The following APLP2 variants were observed in gnomAD, a reference collection of about 807,000 sequenced individuals.
APLP2 encodes amyloid beta precursor like protein 2.
In APLP2, 53 loss-of-function variants were observed where a neutral mutation model predicts 89.9. The observed-to-expected ratio is 0.59, with a 90% CI of 0.47 to 0.74. The LOEUF (loss-of-function observed/expected upper bound fraction) is 0.74, where lower values mean the gene tolerates loss of function less well. Ranked by LOEUF, APLP2 falls within the 30% of genes least tolerant of loss-of-function variation. The probability of loss-of-function intolerance (pLI) is 0.00; values close to 1 mark genes in which losing one functional copy is unlikely to be tolerated. For synonymous variants in APLP2, 372 were observed against 348.6 expected, an observed-to-expected ratio of 1.07 and a Z score of -0.75; for missense variants, 973 against 975.9, an observed-to-expected ratio of 1.00 and a Z score of 0.04.
chr11:130,124,515 T>C (rs1950172030), intron 7 of APLP2, among the ~76,000 whole-genome samples: 1 of 152,210 alleles, frequency 6.6e-6, no homozygotes, highest in African/African-American at 2.4e-5. Context: ...CTACTCCTTT[T>C]TCTCGTTAAG....
chr11:130,075,743 C>T (rs1267457366), intron 1 of APLP2, among the ~76,000 whole-genome samples: 1 of 152,314 alleles, frequency 6.6e-6, no homozygotes, highest in East Asian at 1.9e-4. Flanking sequence ...TCACCCAGCT[C>T]GACCAGGGGA....
chr11:130,091,370 A>C, intron 1 of APLP2, among the ~76,000 whole-genome samples: 3 of 136,964 alleles, frequency 2.2e-5, no homozygotes, highest in African/African-American at 5.9e-5. Flanking sequence ...CGGGGGGCCG[A>C]CCCCCCTACC....
chr11:130,137,287 A>T (rs1466186299), intron 13 of APLP2: 1 of 1,614,018 alleles, frequency 6.2e-7, no homozygotes, highest in East Asian at 2.2e-5. Flanking sequence ...ACCCAATGAA[A>T]AAAGGTTGGT....
intron 1 of APLP2, among the ~76,000 whole-genome samples, chr11:130,100,747 G>A (rs1033432287): frequency 6.6e-6 from 1 of 151,980 alleles, no homozygotes; most frequent in East Asian, 1.9e-4. Flanking sequence ...CCTAACAGCC[G>A]GCATATGTCA....
chr11:130,124,225 C>T (rs923424561), intron 7 of APLP2, among the ~76,000 whole-genome samples: 7 of 152,160 alleles, frequency 4.6e-5, no homozygotes, highest in African/African-American at 9.7e-5. Context: ...GCTCATGGGG[C>T]GCCTCCTCTC....
Position 130,073,240 on chromosome 11 carries a change from T to C in APLP2, c.105+3158T>C, listed in dbSNP as rs376096723. Among the ~76,000 whole-genome samples, 10 of 152,372 alleles carry C rather than the reference T, an allele frequency of 6.6e-5. No homozygotes were observed. The South Asian group carries it at 1.0e-3, about 16-fold the overall frequency. On this transcript the variant is annotated intron_variant, in intron 1 of 16. Coordinates refer to ENST00000338167, the MANE Select transcript of APLP2 (RefSeq NM_001142276.2). ...TATTGACTAAATTGAAACAATACTT[T>C]AGACATGGGCTAAATAAAACATTAA... is the stretch of plus-strand genomic sequence containing the variant.
chr11:130,110,809 T>C, intron 3 of APLP2, 148 bp downstream of exon 3: 2 of 1,094,622 alleles, frequency 1.8e-6, no homozygotes, highest in South Asian at 3.3e-5. Context: ...TAGGGGTGTT[T>C]GCTGGCTTCG....
At position 130,127,837 on chromosome 11, in the gene APLP2, T is replaced by A. The variant is rs1360557902; in HGVS notation, c.1293T>A (p.Ile431=). Residue 431 remains isoleucine (I), a synonymous_variant, in exon 9 of 17, where the codon ATT becomes ATA. Coordinates refer to ENST00000338167, the MANE Select transcript of APLP2 (RefSeq NM_001142276.2). ...CCAAAGCAGAGAGGCAGACTCTGAT[T>A]CAGGTAAGATGCCTTCTCTGGGGAC... ...NLPKAERQTL[I]QHFQAMVKAL... is the part of the protein sequence containing the mutation. The A allele has an allele frequency of 6.2e-7, 1 of 1,613,724 alleles. No individual in the cohort carries two copies. The highest frequency in any genetic ancestry group is 1.3e-5 in the African/African-American group (1 of 75,046).
At chr11:130,093,452 G>A (rs1405620839) in intron 1 of APLP2, among the ~76,000 whole-genome samples, 1 of 152,212 alleles carries the variant, frequency 6.6e-6, no homozygotes, top group Non-Finnish European at 1.5e-5. Context: ...ATAACAAAGG[G>A]TTCTTGGAAA....
At chr11:130,111,330 A>G (rs1414338517) in intron 3 of APLP2, among the ~76,000 whole-genome samples, 1 of 152,304 alleles carries the variant, frequency 6.6e-6, no homozygotes, top group East Asian at 1.9e-4. Context: ...TTACACTCAC[A>G]TATCTGTGGT....
intron 4 of APLP2, 144 bp from the exon 5 acceptor site, chr11:130,121,470 T>A: frequency 9.4e-7 from 1 of 1,061,750 alleles, no homozygotes. Flanking sequence ...TACAATTTTT[T>A]TTTGACAGAA....
intron 1 of APLP2, among the ~76,000 whole-genome samples, chr11:130,092,583 T>C (rs1417870166): frequency 6.8e-6 from 1 of 147,798 alleles, no homozygotes; most frequent in Non-Finnish European, 1.5e-5. Flanking sequence ...TGGCGGCGCG[T>C]GCCTGCAATC....
At position 130,126,096 on chromosome 11, in the gene APLP2, G is replaced by A. The variant is rs543102852; in HGVS notation, c.1091-604G>A. 2.6e-5 allele frequency among the ~76,000 whole-genome samples: 4 copies of A among 152,324 alleles called. No individual in the cohort carries two copies. In the East Asian group the frequency reaches 7.7e-4, roughly 29 times the overall value. ...TTTTATCCTTGTTGGTTCTGTCACT[G>A]ATGGTGGGGCTAAGAGTCCTTCACT... On this transcript the variant is annotated intron_variant, in intron 7 of 16. Coordinates refer to ENST00000338167, the MANE Select transcript of APLP2 (RefSeq NM_001142276.2).
intron 13 of APLP2, 143 bp downstream of exon 13, chr11:130,135,858 C>T (rs528130748): frequency 1.2e-4 from 120 of 1,018,672 alleles, no homozygotes; most frequent in Admixed American, 1.9e-4. Context: ...ATTCATTGAG[C>T]GCCTACTGTG....
rs1952432972 is a variant in APLP2 at position 130,141,813 on chromosome 11, G to A, written c.1999-106G>A. ...AAGCAGGATCTTGGTGCTACTTTGG[G>A]TTTTAGGGGCTCGACCTTCCAGGAG... On this transcript the variant is annotated intron_variant, in intron 15 of 16. Transcript: ENST00000338167. This position sits in a 1 kb window ranked among gnomAD's most constrained non-coding sequence, Gnocchi z 4.2. The A allele has an allele frequency of 7.1e-7, 1 of 1,409,656 alleles. No individual in the cohort carries two copies. The allele number at this position is 1,409,656 out of a possible 1,614,324, so 87.3% of individuals were successfully genotyped here. A position where few individuals can be genotyped will look rare whatever the true frequency, so the allele number is the denominator to read the frequency against.
intron 13 of APLP2, chr11:130,139,576 C>T (rs1952090657): frequency 6.6e-6 from 1 of 152,192 alleles, no homozygotes; most frequent in Admixed American, 6.5e-5. Context: ...GCCTGTGCTG[C>T]GTCGTCGTGC....
chr11:130,111,037 A>G (rs987614314), intron 3 of APLP2, among the ~76,000 whole-genome samples: 1 of 152,050 alleles, frequency 6.6e-6, no homozygotes, highest in Non-Finnish European at 1.5e-5. Flanking sequence ...CATCCCACAC[A>G]CGTTTGCACC....
Position 130,129,096 on chromosome 11 carries a change from A to G in APLP2, c.1345A>G (p.Lys449Glu), listed in dbSNP as rs1950660392. The G allele has an allele frequency of 6.8e-6, 11 of 1,614,088 alleles. No homozygotes were observed. Among genetic ancestry groups the G allele is most frequent in the Non-Finnish European group, 9.3e-6 (11 of 1,180,038 alleles). ...TTTAGAGAAGGAAGCAGCCAGTGAG[A>G]AGCAGCAGCTGGTGGAGACCCACCT... ...KALEKEAASEKQQLVETHLAR... is the reference protein window; with the variant it reads ...KALEKEAASEEQQLVETHLAR... The change falls in exon 10 of 17, where the codon AAG becomes GAG. Residue 449 changes from lysine to glutamate, a missense_variant. Physicochemically the swap from Lys to Glu is moderately conservative, Grantham distance 56. Transcript: ENST00000338167.
intron 1 of APLP2, among the ~76,000 whole-genome samples, chr11:130,076,906 C>T (rs571803331): frequency 1.3e-5 from 2 of 152,332 alleles, no homozygotes; most frequent in Admixed American, 6.5e-5. Flanking sequence ...ATGGTACTGC[C>T]TCCACAGGCT....
Sources: gnomAD v4.1 joint callset for allele counts (sites outside exome capture counted in the v4.1 genomes callset) on GRCh38, gnomAD v4.1.1 for gene constraint, Gnocchi (gnomAD v3.1) non-coding constraint, MANE v1.5 for transcripts, NCBI Gene and HGNC (gene_info 2026-07-23, HGNC 2026-07-21) for gene names.